The following LRRC39 variants were observed in gnomAD, a reference collection of about 807,000 sequenced individuals.
LRRC39 encodes the protein leucine-rich repeat-containing protein 39.
LRRC39 carries 35 observed loss-of-function variants against 39.7 expected under a neutral mutation model. The ratio of observed to expected loss-of-function variants is 0.88; its 90% CI spans 0.67 to 1.17. LRRC39 has a LOEUF of 1.17. Among genes scored for constraint, LRRC39 ranks in the 50% most tolerant of loss-of-function variants. The probability of loss-of-function intolerance (pLI) is 0.00; values close to 1 mark genes in which losing one functional copy is unlikely to be tolerated. For synonymous variants in LRRC39, 113 were observed against 134.1 expected, an observed-to-expected ratio of 0.84 and a Z score of 1.09; for missense variants, 357 against 385.8, an observed-to-expected ratio of 0.93 and a Z score of 0.62.
At chr1:100,163,272 C>T (rs1659010824) in intron 3 of LRRC39, among the ~76,000 whole-genome samples, 1 of 152,160 alleles carries the variant, frequency 6.6e-6, no homozygotes, top group African/African-American at 2.4e-5. Context: ...AATCTTATCC[C>T]TTGACCTTTA....
chr1:100,161,387 G>A (rs1043858264), intron 3 of LRRC39, among the ~76,000 whole-genome samples: 2 of 151,876 alleles, frequency 1.3e-5, no homozygotes, highest in Admixed American at 1.3e-4. Flanking sequence ...ACTTAGCATC[G>A]TTTTTTTCAA....
chr1:100,163,305 C>T (rs779026791), intron 3 of LRRC39, among the ~76,000 whole-genome samples: 1 of 152,056 alleles, frequency 6.6e-6, no homozygotes, highest in African/African-American at 2.4e-5. Flanking sequence ...AATCCAGTAA[C>T]CATTATAGCC....
intron 3 of LRRC39, among the ~76,000 whole-genome samples, chr1:100,160,901 C>A (rs555409330): frequency 6.6e-6 from 1 of 151,932 alleles, no homozygotes; most frequent in South Asian, 2.1e-4. Flanking sequence ...TGGGATTACA[C>A]GTGTAAGCCA....
At chr1:100,167,068 T>G (rs1332082126) in intron 3 of LRRC39, among the ~76,000 whole-genome samples, 1 of 152,132 alleles carries the variant, frequency 6.6e-6, no homozygotes, top group Non-Finnish European at 1.5e-5. Context: ...TCAGTCTCAT[T>G]CCCCTAGAAG....
rs770055758 is a variant in LRRC39 at position 100,168,495 on chromosome 1, T to C, written c.22A>G (p.Thr8Ala). The change falls in exon 3 of 10, where the codon ACT becomes GCT. Residue 8 changes from threonine to alanine, a missense_variant. Transcript: ENST00000370137. ...TCCTTTACAGCATTGACAGCCCCAGTACAAACCACATTTTCTGTCATGATT... is the reference window on the plus strand; with the variant it reads ...TCCTTTACAGCATTGACAGCCCCAGCACAAACCACATTTTCTGTCATGATT... MTENVVC[T>A]GAVNAVKEVW... is the part of the protein sequence containing the mutation. 133 of 1,610,588 alleles carry C rather than the reference T, an allele frequency of 8.3e-5. No homozygotes were observed. Among genetic ancestry groups the C allele is most frequent in the Non-Finnish European group, 1.1e-4 (129 of 1,179,188 alleles).
intron 6 of LRRC39, among the ~76,000 whole-genome samples, chr1:100,157,715 C>T (rs1658568945): frequency 6.6e-6 from 1 of 152,068 alleles, no homozygotes; most frequent in African/African-American, 2.4e-5. Context: ...TTTTCAAAGC[C>T]AAAGCACCAT....
intron 9 of LRRC39, among the ~76,000 whole-genome samples, chr1:100,150,655 T>G (rs1657903256): frequency 6.6e-6 from 1 of 152,154 alleles, no homozygotes; most frequent in Non-Finnish European, 1.5e-5. Context: ...CAGCCTTAGG[T>G]CAGGATTATT....
At chr1:100,179,499 C>CAAAAAAAAAAAAAAAAAAAAAAAAA (rs60588308), upstream of LRRC39, among the ~76,000 whole-genome samples, 2 of 45,618 alleles carry the variant, frequency 4.4e-5, no homozygotes, top group African/African-American at 1.6e-4. Flanking sequence ...CTGTATCTAC[C>CAAAAAAAAAAAAAAAAAAAAAAAAA]AAAAAAAAAA....
At chr1:100,149,681 CCTT>C (rs1657761939) in intron 9 of LRRC39, 4 of 313,142 alleles carry the variant, frequency 1.3e-5, no homozygotes, top group East Asian at 1.5e-4. Context: ...AAACCAAAAA[CCTT>C]CTCAAATTTA....
At chr1:100,166,166 A>G (rs758427552) in intron 3 of LRRC39, among the ~76,000 whole-genome samples, 11 of 152,178 alleles carry the variant, frequency 7.2e-5, no homozygotes, top group Non-Finnish European at 1.2e-4. Context: ...CTGTGAGTCA[A>G]TTAAACCTCT....
intron 7 of LRRC39, among the ~76,000 whole-genome samples, chr1:100,155,519 C>G (rs1003037805): frequency 1.3e-5 from 2 of 152,202 alleles, no homozygotes; most frequent in Admixed American, 6.5e-5. Flanking sequence ...TTTATCTCTA[C>G]AGTACAACTC....
At position 100,177,474 on chromosome 1, in the gene LRRC39, A is replaced by T. The variant is rs992404372; in HGVS notation, c.-119+661T>A. Among the ~76,000 whole-genome samples, 4 of 152,324 alleles carry T rather than the reference A, an allele frequency of 2.6e-5. No homozygotes were observed. In the South Asian group the frequency reaches 6.2e-4, roughly 24 times the overall value. ...AAATTGTTGAGAGAATCTCTAAGCA[A>T]GGCATGCCGAATTTACTCAGGAACA... is the stretch of plus-strand genomic sequence containing the variant. On this transcript the variant is annotated intron_variant, in intron 1 of 9. Transcript: ENST00000370137.
chr1:100,170,063 T>A (rs1404741346), intron 2 of LRRC39, among the ~76,000 whole-genome samples: 1 of 152,142 alleles, frequency 6.6e-6, no homozygotes, highest in Non-Finnish European at 1.5e-5. Context: ...CTGAGTGTTG[T>A]TTATGAGAGG....
Position 100,168,455 on chromosome 1 carries a change from C to CT in LRRC39, c.61dup (p.Arg21LysfsTer7), listed in dbSNP as rs1363771439. 1 of 1,612,432 alleles carries CT rather than the reference C, an allele frequency of 6.2e-7. No individual in the cohort carries two copies. Among genetic ancestry groups the CT allele is most frequent in the Non-Finnish European group, 8.5e-7 (1 of 1,179,542 alleles). On this transcript the variant is annotated frameshift_variant, in exon 3 of 10. Coordinates refer to ENST00000370137, the MANE Select transcript of LRRC39 (RefSeq NM_144620.4). LOFTEE classifies it high-confidence loss of function. ...CAGGTCTTCATTGAGTTTCTTTATT[C>CT]TTTTTTCCCAAACTTCCTTTACAGC...
Position 100,168,500 on chromosome 1 carries a change from A to C in LRRC39, c.17T>G (p.Val6Gly). Residue 6 changes from valine to glycine, a missense_variant, in exon 3 of 10, where the codon GTT becomes GGT. Coordinates refer to ENST00000370137, the MANE Select transcript of LRRC39 (RefSeq NM_144620.4). ...TACAGCATTGACAGCCCCAGTACAA[A>C]CCACATTTTCTGTCATGATTTCTCC... MTENV[V>G]CTGAVNAVKE... 6.2e-7 allele frequency: 1 copy of C among 1,609,540 alleles called. No homozygotes were observed. Among genetic ancestry groups the C allele is most frequent in the African/African-American group, 1.3e-5 (1 of 74,800 alleles).
At chr1:100,160,613 T>A in intron 3 of LRRC39, 42 bp from the exon 4 acceptor site, 1 of 1,462,930 alleles carries the variant, frequency 6.8e-7, no homozygotes, top group African/African-American at 1.4e-5. Flanking sequence ...GACAATTACA[T>A]AAGTGGCATT....
intron 3 of LRRC39, 39 bp downstream of exon 3, chr1:100,168,365 T>A: frequency 6.9e-7 from 1 of 1,439,936 alleles, no homozygotes; most frequent in Non-Finnish European, 9.6e-7. Context: ...ATAATATGAA[T>A]TTTCACTAAT....
At position 100,177,278 on chromosome 1, in the gene LRRC39, G is replaced by A. The variant is rs905574000; in HGVS notation, c.-119+857C>T. Among the ~76,000 whole-genome samples the A allele has an allele frequency of 3.3e-5, 5 of 152,128 alleles. No homozygotes were observed. The South Asian group carries it at 1.0e-3, about 32-fold the overall frequency. ...TAGGGAGCAGGACTGGTGATAGAGA[G>A]GAATCGGATAGATAATATTGCTTTT... On this transcript the variant is annotated intron_variant, in intron 1 of 9. Transcript: ENST00000370137.
intron 1 of LRRC39, among the ~76,000 whole-genome samples, chr1:100,175,275 T>C (rs1263487091): frequency 2.1e-4 from 32 of 152,062 alleles, no homozygotes; most frequent in Non-Finnish European, 2.8e-4. Flanking sequence ...TGGCTTATAG[T>C]AGCCTTGATC....
Sources: gnomAD v4.1 joint callset for allele counts (sites outside exome capture counted in the v4.1 genomes callset) on GRCh38, gnomAD v4.1.1 for gene constraint, MANE v1.5 for transcripts, NCBI Gene and HGNC (gene_info 2026-07-23, HGNC 2026-07-21) for gene names.